The following CCNH variants were observed in gnomAD, a reference collection of about 807,000 sequenced individuals.
CCNH encodes cyclin H.
A neutral mutation model predicts 41.9 loss-of-function variants in CCNH; 31 were observed. The ratio of observed to expected loss-of-function variants is 0.74; its 90% CI spans 0.56 to 1.00. The LOEUF is 1.00. CCNH is among the 50% of genes least tolerant of loss of function. The probability of loss-of-function intolerance (pLI) is 0.00; values close to 1 mark genes in which losing one functional copy is unlikely to be tolerated. For missense variants in CCNH, 362 were observed against 388.4 expected (o/e 0.93, Z 0.57); for synonymous variants, 138 against 136.1 (o/e 1.01, Z -0.10).
rs1758460585 is a variant in CCNH, at chr5:87,341,563, T to TTC, written c.*91-22667_*91-22666insGA. ...TTATCACCACACTGAAGACTTTGAA[T>TTC]AAACACTACATTTATAACATTATGA... On this transcript the variant is annotated intron_variant and NMD_transcript_variant, in intron 9 of 9. Coordinates refer to the CCNH transcript ENST00000645953. 2.0e-5 allele frequency among the ~76,000 whole-genome samples: 3 copies of TTC among 152,164 alleles called. No homozygotes were observed. The South Asian group carries it at 6.2e-4, about 32-fold the overall frequency.
intron 9 of CCNH, among the ~76,000 whole-genome samples, chr5:87,337,269 T>A (rs1448071850): frequency 6.6e-6 from 1 of 152,012 alleles, no homozygotes; most frequent in Non-Finnish European, 1.5e-5. Flanking sequence ...AACATCTAGG[T>A]TTCAGTAAAA....
intron 9 of CCNH, among the ~76,000 whole-genome samples, chr5:87,354,829 G>A (rs566284748): frequency 4.6e-5 from 7 of 152,168 alleles, no homozygotes; most frequent in Non-Finnish European, 8.8e-5. Context: ...ACACATGAAT[G>A]ATTAATAAAG....
chr5:87,367,168 A>T (rs1225347079), intron 9 of CCNH, among the ~76,000 whole-genome samples: 2 of 152,254 alleles, frequency 1.3e-5, no homozygotes, highest in African/African-American at 4.8e-5. Context: ...CAAGGCAAAT[A>T]GCATTAACAA....
At chr5:87,356,885 G>A (rs555748873) in intron 9 of CCNH, among the ~76,000 whole-genome samples, 23 of 152,122 alleles carry the variant, frequency 1.5e-4, no homozygotes, top group Non-Finnish European at 1.3e-4. Flanking sequence ...CTTCATTCCC[G>A]CATGCTTTCC....
At chr5:87,396,637 C>CA in intron 7 of CCNH, among the ~76,000 whole-genome samples, 1 of 151,508 alleles carries the variant, frequency 6.6e-6, no homozygotes, top group African/African-American at 2.4e-5. Context: ...AACAAACAAA[C>CA]AAAAAAGCCA....
At chr5:87,376,214 G>C (rs1377255295), downstream of CCNH, 2 of 695,624 alleles carry the variant, frequency 2.9e-6, no homozygotes, top group African/African-American at 1.8e-5. Context: ...TCAGAGTTTA[G>C]TGCACCGTAG....
downstream of CCNH, chr5:87,394,011 G>T (rs969224033): frequency 6.5e-6 from 1 of 153,262 alleles, no homozygotes; most frequent in Middle Eastern, 3.1e-3. Context: ...AATACCTTCT[G>T]CAGTTTAATA....
rs3069490 is a variant in CCNH, at chr5:87,338,501, TTATATA to T, written c.*91-19610_*91-19605del. On this transcript the variant is annotated intron_variant and NMD_transcript_variant, in intron 9 of 9. Transcript: ENST00000645953. ...CATGTGCCACCATGCCCAGCTAATTTTATATATATATATATATATATATATATATAT... is the reference window on the plus strand; with the variant it reads ...CATGTGCCACCATGCCCAGCTAATTTTATATATATATATATATATATATAT... Among the ~76,000 whole-genome samples, 7 of 75,668 alleles carry T rather than the reference TTATATA, an allele frequency of 9.3e-5. 1 individual carries two copies. Among genetic ancestry groups the T allele is most frequent in the Non-Finnish European group, 1.3e-4 (5 of 39,640 alleles). The allele number at this position is 75,668 out of a possible 152,430, so 49.6% of individuals were successfully genotyped here.
chr5:87,380,951 G>A (rs955726868), upstream of CCNH, among the ~76,000 whole-genome samples: 5 of 152,156 alleles, frequency 3.3e-5, no homozygotes, highest in Admixed American at 6.5e-5. Flanking sequence ...GTAATTGACC[G>A]ATTTAGATAT....
At chr5:87,407,515 G>A (rs1219904444) in intron 4 of CCNH, among the ~76,000 whole-genome samples, 2 of 152,100 alleles carry the variant, frequency 1.3e-5, no homozygotes, top group African/African-American at 4.8e-5. Flanking sequence ...TATTATTGAT[G>A]CCTACATAGT....
intron 9 of CCNH, among the ~76,000 whole-genome samples, chr5:87,327,594 C>A (rs1757320878): frequency 6.6e-6 from 1 of 152,138 alleles, no homozygotes; most frequent in East Asian, 1.9e-4. Flanking sequence ...CTCTTTTGAA[C>A]AAGCTCAGGG....
chr5:87,350,461 C>T (rs996434113), intron 9 of CCNH, among the ~76,000 whole-genome samples: 6 of 151,588 alleles, frequency 4.0e-5, no homozygotes, highest in African/African-American at 1.5e-4. Flanking sequence ...GAATAAATGT[C>T]CATATTGAGA....
chr5:87,411,303 A>G lies in CCNH; in HGVS notation c.161T>C (p.Met54Thr), dbSNP rs201537925. The change falls in exon 2 of 9, where the codon ATG becomes ACG. Residue 54 changes from methionine (M) to threonine (T), a missense_variant. Coordinates refer to ENST00000256897, the MANE Select transcript of CCNH (RefSeq NM_001239.4). Reference protein sequence around the residue: ...DPVFLEPHEEMTLCKYYEKRL... With the variant: ...DPVFLEPHEETTLCKYYEKRL... Reference sequence around the variant, plus strand: ...TTTCTCATAGTATTTGCAGAGTGTCATTTCTTCATGAGGCTCAAGAAAGAC... The same window carrying G: ...TTTCTCATAGTATTTGCAGAGTGTCGTTTCTTCATGAGGCTCAAGAAAGAC... 2.8e-4 allele frequency: 452 copies of G among 1,612,402 alleles called. 3 individuals are homozygous for G. The Middle Eastern group carries it at 4.3e-3, about 15-fold the overall frequency.
intron 9 of CCNH, chr5:87,362,574 C>T (rs2112456528): frequency 1.3e-6 from 2 of 1,594,320 alleles, no homozygotes; most frequent in South Asian, 1.1e-5. Flanking sequence ...TACTCAATGA[C>T]ACAGTGGATG....
intron 9 of CCNH, chr5:87,385,440 A>C: frequency 7.4e-7 from 1 of 1,350,914 alleles, no homozygotes; most frequent in Non-Finnish European, 1.1e-6. Flanking sequence ...CAAGTTTGAC[A>C]TGATAAAACC....
At chr5:87,335,035 A>C (rs968004305) in intron 9 of CCNH, among the ~76,000 whole-genome samples, 15 of 152,122 alleles carry the variant, frequency 9.9e-5, no homozygotes, top group Non-Finnish European at 1.5e-4. Flanking sequence ...GGCGTGTGTC[A>C]CCAAGTCCAG....
At chr5:87,392,407 A>G (rs1203912263), downstream of CCNH, 2 of 452,598 alleles carry the variant, frequency 4.4e-6, no homozygotes, top group African/African-American at 2.0e-5. Flanking sequence ...AACATGTCCC[A>G]TGCTCCTTTT....
intron 9 of CCNH, among the ~76,000 whole-genome samples, chr5:87,364,294 C>T (rs897136333): frequency 3.3e-5 from 5 of 152,050 alleles, no homozygotes; most frequent in Admixed American, 3.3e-4. Flanking sequence ...AAATATATAG[C>T]CTTGTCATTT....
chr5:87,388,016 A>G (rs1762183292), downstream of CCNH, among the ~76,000 whole-genome samples: 1 of 152,184 alleles, frequency 6.6e-6, no homozygotes, highest in Non-Finnish European at 1.5e-5. Context: ...ATTTTTGAAG[A>G]CCCACCTCAA....
Sources: allele counts gnomAD v4.1 joint callset (sites outside exome capture counted in the v4.1 genomes callset), GRCh38; gene constraint gnomAD v4.1.1; transcripts MANE v1.5; gene names NCBI Gene and HGNC (gene_info 2026-07-23, HGNC 2026-07-21).